NVL: variants seen among roughly 807,000 people sequenced by gnomAD.
NVL encodes the protein nuclear VCP like.
NVL carries 84 observed loss-of-function variants against 110.2 expected under a neutral mutation model. The ratio of observed to expected loss-of-function variants is 0.76; its 90% CI spans 0.64 to 0.91. NVL has a LOEUF of 0.91. Among genes scored for constraint, NVL ranks in the 40% least tolerant of loss-of-function variants. NVL has a pLI of 0.00. For synonymous variants in NVL, 354 were observed against 361.1 expected (o/e 0.98, Z 0.22); for missense variants, 882 against 1,035.9 (o/e 0.85, Z 2.04).
rs1188061336 is a variant in NVL, at chr1:224,294,295, C to G, written c.1297G>C (p.Gly433Arg). 3 of 1,613,972 alleles carry G rather than the reference C, an allele frequency of 1.9e-6. No individual in the cohort carries two copies. In the African/African-American group the frequency reaches 4.0e-5, roughly 22 times the overall value. ...AGRFDREICL[G>R]IPDEASRERI... is the part of the protein sequence containing the mutation. ...TCCCTGGATGCTTCATCTGGGATAC[C>G]TAGGCATATTTCTCGGTCGAACCTT... The change falls in exon 12 of 23, where the codon GGT becomes CGT. Residue 433 changes from glycine to arginine, a missense_variant. This residue lies in a region of NVL where 416 missense variants were observed against 499.3 expected (regional missense o/e 0.83). Coordinates refer to ENST00000281701, the MANE Select transcript of NVL (RefSeq NM_002533.4).
At chr1:224,252,036 C>G (rs1662568071) in intron 18 of NVL, among the ~76,000 whole-genome samples, 1 of 152,168 alleles carries the variant, frequency 6.6e-6, no homozygotes, top group Admixed American at 6.5e-5. Context: ...TAGGATCTGA[C>G]CATCTTCCTT....
chr1:224,267,882 C>A (rs1176122182), intron 18 of NVL, 152 bp downstream of exon 18: 4 of 594,762 alleles, frequency 6.7e-6, no homozygotes, highest in Non-Finnish European at 1.1e-5. Flanking sequence ...ATGGATTGCC[C>A]AAATTTAATC....
chr1:224,296,061 G>T (rs1329734385), intron 11 of NVL, among the ~76,000 whole-genome samples: 1 of 151,824 alleles, frequency 6.6e-6, no homozygotes, highest in Non-Finnish European at 1.5e-5. Context: ...AGCCCAGGAG[G>T]TCAAGGCTGC....
Position 224,296,679 on chromosome 1 carries a change from T to C in NVL, c.1063-61A>G, listed in dbSNP as rs954737001. 8.0e-6 allele frequency: 8 copies of C among 996,852 alleles called. No homozygotes were observed. The African/African-American group carries it at 1.3e-4, about 16-fold the overall frequency. 61.8% of individuals were successfully genotyped at this position (996,852 alleles called of 1,614,324 possible). Reference sequence around the variant, plus strand: ...ATGCATCCCCTATACTGAAGCACAATTAAGCATATACATTTTAAAAAAAAT... The same window carrying C: ...ATGCATCCCCTATACTGAAGCACAACTAAGCATATACATTTTAAAAAAAAT... On this transcript the variant is annotated intron_variant, in intron 10 of 22. Transcript: ENST00000281701.
chr1:224,254,572 G>GTTTTTTTTTTT (rs71168400), intron 18 of NVL, among the ~76,000 whole-genome samples: 18 of 134,206 alleles, frequency 1.3e-4, no homozygotes, highest in Non-Finnish European at 1.9e-4. Context: ...TGTTTTTTTT[G>GTTTTTTTTTTT]TTTTTTTTTT....
chr1:224,301,971 G>A (rs1055433753), intron 9 of NVL, among the ~76,000 whole-genome samples: 4 of 151,812 alleles, frequency 2.6e-5, no homozygotes, highest in African/African-American at 9.7e-5. Context: ...ATTTATTATA[G>A]TCATTATTAT....
intron 16 of NVL, among the ~76,000 whole-genome samples, chr1:224,279,465 C>T (rs898563659): frequency 6.6e-6 from 1 of 152,098 alleles, no homozygotes; most frequent in Non-Finnish European, 1.5e-5. Context: ...AAAACTCAAC[C>T]AAACCAAGTT....
chr1:224,233,561 T>C (rs1660143756), intron 20 of NVL, among the ~76,000 whole-genome samples: 1 of 151,986 alleles, frequency 6.6e-6, no homozygotes, highest in Admixed American at 6.6e-5. Context: ...AGTTTGAGAC[T>C]AGTCTCAGCA....
At chr1:224,276,552 T>C (rs1387680286) in intron 16 of NVL, among the ~76,000 whole-genome samples, 3 of 152,210 alleles carry the variant, frequency 2.0e-5, no homozygotes, top group Non-Finnish European at 4.4e-5. Flanking sequence ...GTGCCAACTA[T>C]TTCATATCAC....
chr1:224,230,162 A>G (rs1054153344), intron 22 of NVL, among the ~76,000 whole-genome samples: 1 of 151,960 alleles, frequency 6.6e-6, no homozygotes, highest in African/African-American at 2.4e-5. Flanking sequence ...CCCTTCTCCC[A>G]CCTATGGTGA....
At chr1:224,254,069 T>C (rs1558260001) in intron 18 of NVL, among the ~76,000 whole-genome samples, 1 of 152,072 alleles carries the variant, frequency 6.6e-6, no homozygotes, top group East Asian at 1.9e-4. Flanking sequence ...CAAAGAAAAA[T>C]GGTATATATT....
At chr1:224,257,689 A>C (rs992945472) in intron 18 of NVL, among the ~76,000 whole-genome samples, 3 of 152,136 alleles carry the variant, frequency 2.0e-5, no homozygotes, top group East Asian at 1.9e-4. Flanking sequence ...CACCATGCCC[A>C]TTTAATTTTG....
intron 17 of NVL, among the ~76,000 whole-genome samples, chr1:224,273,048 AAAACAAACAAAC>A (rs1216964447): frequency 7.2e-6 from 1 of 138,978 alleles, no homozygotes; most frequent in Non-Finnish European, 1.6e-5. Flanking sequence ...AAAAACAAAA[AAAACAAACAAAC>A]AAAAAAAAAC....
rs772272685 is a variant in NVL, at chr1:224,303,864, G to A, written c.826-7C>T. 6.2e-7 allele frequency: 1 copy of A among 1,602,438 alleles called. No individual in the cohort carries two copies. On this transcript the variant is annotated splice_polypyrimidine_tract_variant and splice_region_variant and intron_variant, in intron 8 of 22. Transcript: ENST00000281701. Reference sequence around the variant, plus strand: ...TGAGCATCTTGCAGACCTCCTAGCAGAGGATAAGCACAAAGATGTCTTTCA... The same window carrying A: ...TGAGCATCTTGCAGACCTCCTAGCAAAGGATAAGCACAAAGATGTCTTTCA...
intron 1 of NVL, 82 bp from the exon 2 acceptor site, chr1:224,326,546 C>T (rs1480435219): frequency 3.6e-6 from 3 of 834,292 alleles, no homozygotes; most frequent in East Asian, 5.0e-5. Flanking sequence ...GCTATCTGAA[C>T]ACATTATACT....
chr1:224,239,667 A>G (rs1008435093), intron 19 of NVL, among the ~76,000 whole-genome samples: 2 of 152,178 alleles, frequency 1.3e-5, no homozygotes, highest in African/African-American at 2.4e-5. Context: ...ATACTTCTCA[A>G]TATCTAAATT....
chr1:224,256,774 T>C (rs1220269006), intron 18 of NVL, among the ~76,000 whole-genome samples: 1 of 152,194 alleles, frequency 6.6e-6, no homozygotes, highest in African/African-American at 2.4e-5. Flanking sequence ...AACAGGCCCC[T>C]ACCATTGTCT....
At chr1:224,304,000 T>G in intron 8 of NVL, 143 bp from the exon 9 acceptor site, 1 of 839,232 alleles carries the variant, frequency 1.2e-6, no homozygotes, top group Non-Finnish European at 1.7e-6. Context: ...ATCCTGGCTC[T>G]GGTACCTACT....
chr1:224,257,073 C>A (rs762443806), intron 18 of NVL: 1 of 532,430 alleles, frequency 1.9e-6, no homozygotes, highest in Non-Finnish European at 3.9e-6. Context: ...CAGCTTTTCC[C>A]AACTTTGGGA....
Sources: allele counts gnomAD v4.1 joint callset (sites outside exome capture counted in the v4.1 genomes callset), GRCh38; gene constraint gnomAD v4.1.1; regional missense constraint gnomAD v4.1.1; transcripts MANE v1.5; gene names NCBI Gene and HGNC (gene_info 2026-07-23, HGNC 2026-07-21).